Variants in EPHB1 observed in about 807,000 individuals in gnomAD.
EPHB1 encodes the protein EPH receptor B1.
Under a neutral mutation model 94.4 loss-of-function variants are expected in EPHB1, and 30 were observed. That is an observed-to-expected ratio of 0.32 (90% CI 0.24 to 0.43). The LOEUF (loss-of-function observed/expected upper bound fraction) is 0.43, where lower values mean the gene tolerates loss of function less well. EPHB1 is among the 20% of genes least tolerant of loss of function. The pLI, the probability that EPHB1 is intolerant of heterozygous loss-of-function variation, is 1.00. For synonymous variants in EPHB1, 522 were observed against 489.1 expected (o/e 1.07, Z -0.89); for missense variants, 1,055 against 1,308.3 (o/e 0.81, Z 2.99).
chr3:134,930,122 C>G (rs1345648900), intron 2 of EPHB1, among the ~76,000 whole-genome samples: 1 of 152,210 alleles, frequency 6.6e-6, no homozygotes, highest in African/African-American at 2.4e-5. Flanking sequence ...GCCTGTGTGG[C>G]AGGCTTTCAG....
intron 12 of EPHB1, among the ~76,000 whole-genome samples, chr3:135,214,083 C>T (rs1943087594): frequency 6.6e-6 from 1 of 152,182 alleles, no homozygotes; most frequent in Non-Finnish European, 1.5e-5. Flanking sequence ...TCCCTTTCTT[C>T]CAAGCCCGCC....
chr3:135,050,159 T>A (rs183567967), intron 3 of EPHB1, among the ~76,000 whole-genome samples: 6 of 152,370 alleles, frequency 3.9e-5, no homozygotes, highest in African/African-American at 1.2e-4. Flanking sequence ...AGACAGCATG[T>A]ATACATGACT....
intron 2 of EPHB1, among the ~76,000 whole-genome samples, chr3:134,940,035 T>C (rs986332222): frequency 1.3e-5 from 2 of 152,142 alleles, no homozygotes; most frequent in Non-Finnish European, 2.9e-5. Context: ...GAGCCTATGA[T>C]GAAACAGCTC....
intron 10 of EPHB1, among the ~76,000 whole-genome samples, chr3:135,192,161 A>T (rs955747063): frequency 1.3e-5 from 2 of 152,252 alleles, no homozygotes; most frequent in African/African-American, 4.8e-5. Context: ...AGAGGGCCAA[A>T]GTACCTGAAC....
intron 1 of EPHB1, among the ~76,000 whole-genome samples, chr3:134,813,904 C>T (rs564159000): frequency 9.8e-5 from 15 of 152,326 alleles, no homozygotes; most frequent in Admixed American, 7.2e-4. Flanking sequence ...CCCACAAGCA[C>T]CTTTTATGCT....
At chr3:134,837,873 G>A (rs930757255) in intron 1 of EPHB1, among the ~76,000 whole-genome samples, 9 of 152,334 alleles carry the variant, frequency 5.9e-5, no homozygotes, top group Admixed American at 5.9e-4. Context: ...CTTTCAAGAT[G>A]CACTCTAGAT....
intron 1 of EPHB1, among the ~76,000 whole-genome samples, chr3:134,893,489 T>C (rs2038027257): frequency 6.6e-6 from 1 of 151,938 alleles, no homozygotes; most frequent in Non-Finnish European, 1.5e-5. Context: ...ATACTCTCCC[T>C]CCCACACCCC....
intron 9 of EPHB1, among the ~76,000 whole-genome samples, chr3:135,177,609 G>C (rs756925489): frequency 6.6e-6 from 1 of 152,192 alleles, no homozygotes; most frequent in Admixed American, 6.5e-5. Flanking sequence ...GTGGTCAGTG[G>C]CTTGAGAATG....
At chr3:134,963,875 G>A (rs776544715) in intron 3 of EPHB1, among the ~76,000 whole-genome samples, 7 of 152,216 alleles carry the variant, frequency 4.6e-5, no homozygotes, top group Admixed American at 2.0e-4. Context: ...TTCACGGATA[G>A]TGTTCATTTC....
At chr3:134,810,454 G>A (rs1560243138) in intron 1 of EPHB1, among the ~76,000 whole-genome samples, 1 of 152,144 alleles carries the variant, frequency 6.6e-6, no homozygotes, top group Admixed American at 6.5e-5. Context: ...CCTGGCAAAT[G>A]GAAGACGCTA....
chr3:134,795,263 C>G lies in EPHB1; in HGVS notation c.-369C>G. Reference sequence around the variant, plus strand: ...GGATCCCGCTCCCTCCCGCGTCAGTCTGGCCGGCTCCGTCCTCCCGTAGGC... The same window carrying G: ...GGATCCCGCTCCCTCCCGCGTCAGTGTGGCCGGCTCCGTCCTCCCGTAGGC... On this transcript the variant is annotated 5_prime_UTR_variant, in exon 1 of 16. Coordinates refer to ENST00000398015, the MANE Select transcript of EPHB1 (RefSeq NM_004441.5). 2.7e-6 allele frequency: 1 copy of G among 372,588 alleles called. No homozygotes were observed. Among genetic ancestry groups the G allele is most frequent in the Non-Finnish European group, 4.8e-6 (1 of 206,536 alleles). The allele number at this position is 372,588 out of a possible 1,614,324, so 23.1% of individuals were successfully genotyped here.
intron 13 of EPHB1, among the ~76,000 whole-genome samples, chr3:135,245,527 A>C (rs1020707515): frequency 1.1e-3 from 165 of 148,894 alleles, no homozygotes; most frequent in African/African-American, 3.9e-3. Context: ...AAAAAAAAAA[A>C]AAAAAAAAAT....
rs1200182862 is a variant in EPHB1 at position 134,911,715 on chromosome 3, C to T, written c.59-14101C>T. ...GAGGATGGCAGCAGCTGGTGTCAGC[C>T]TCCTGGAGGGTAGCTGCATGGTGAT... On this transcript the variant is annotated intron_variant, in intron 1 of 15. Transcript: ENST00000398015. Among the ~76,000 whole-genome samples, 60 of 152,202 alleles carry T rather than the reference C, an allele frequency of 3.9e-4. 2 individuals carry two copies. The highest frequency in any genetic ancestry group is 3.9e-3 in the Admixed American group (60 of 15,286).
intron 3 of EPHB1, among the ~76,000 whole-genome samples, chr3:135,081,186 T>G (rs1456607813): frequency 6.6e-6 from 1 of 152,220 alleles, no homozygotes; most frequent in Non-Finnish European, 1.5e-5. Context: ...GTGGAGTCTT[T>G]GAGGAATTTC....
intron 9 of EPHB1, among the ~76,000 whole-genome samples, chr3:135,175,041 C>T (rs576309072): frequency 6.6e-6 from 1 of 152,252 alleles, no homozygotes; most frequent in Admixed American, 6.5e-5. Context: ...TTTTGTACTT[C>T]CTGAATGCAC....
intron 1 of EPHB1, among the ~76,000 whole-genome samples, chr3:134,916,693 G>T (rs952056445): frequency 1.3e-5 from 2 of 152,316 alleles, no homozygotes; most frequent in Admixed American, 1.3e-4. Context: ...CGGAACTGGC[G>T]CTGGCCCACA....
At chr3:135,178,034 C>T (rs945674126) in intron 9 of EPHB1, among the ~76,000 whole-genome samples, 1 of 152,124 alleles carries the variant, frequency 6.6e-6, no homozygotes, top group African/African-American at 2.4e-5. Flanking sequence ...AGTCAGTGTC[C>T]TCCCAAAGCT....
At position 134,874,362 on chromosome 3, in the gene EPHB1, T is replaced by C. The variant is rs1001305297; in HGVS notation, c.59-51454T>C. Among the ~76,000 whole-genome samples, 16 of 151,916 alleles carry C rather than the reference T, an allele frequency of 1.1e-4. No homozygotes were observed. In the South Asian group the frequency reaches 1.5e-3, roughly 14 times the overall value. On this transcript the variant is annotated intron_variant, in intron 1 of 15. Coordinates refer to ENST00000398015, the MANE Select transcript of EPHB1 (RefSeq NM_004441.5). ...AGGGTAAAACAAACACCGGGGCCTA[T>C]TGGGGGGTGGAGGGTGAGGGGAGAG...
chr3:135,101,962 G>A (rs1336037903), intron 3 of EPHB1, among the ~76,000 whole-genome samples: 1 of 152,124 alleles, frequency 6.6e-6, no homozygotes, highest in African/African-American at 2.4e-5. Context: ...GCTTCCTAAT[G>A]TTGGCTACCC....
Sources: allele counts gnomAD v4.1 joint callset (sites outside exome capture counted in the v4.1 genomes callset), GRCh38; gene constraint gnomAD v4.1.1; transcripts MANE v1.5; gene names NCBI Gene and HGNC (gene_info 2026-07-23, HGNC 2026-07-21).